NBEA: variants seen among roughly 807,000 people sequenced by gnomAD.
NBEA encodes the protein neurobeachin.
NBEA carries 44 observed loss-of-function variants against 343.4 expected under a neutral mutation model. The ratio of observed to expected loss-of-function variants is 0.13; its 90% CI spans 0.10 to 0.16. The LOEUF (loss-of-function observed/expected upper bound fraction) is 0.16. Ranked by LOEUF, NBEA falls within the 10% of genes least tolerant of loss-of-function variation. The pLI is 1.00. For missense variants in NBEA, 2,555 were observed against 3,631.3 expected (o/e 0.70, Z 7.62); for synonymous variants, 1,175 against 1,238.7 (o/e 0.95, Z 1.08).
chr13:35,094,568 T>C (rs970257845), intron 10 of NBEA, among the ~76,000 whole-genome samples: 12 of 151,734 alleles, frequency 7.9e-5, no homozygotes, highest in Admixed American at 2.6e-4. Context: ...TTACAACTTA[T>C]TGTGAGTTTT....
chr13:35,450,480 C>T (rs959426993), intron 39 of NBEA, among the ~76,000 whole-genome samples: 1 of 152,064 alleles, frequency 6.6e-6, no homozygotes, highest in Admixed American at 6.6e-5. Context: ...GAATGAGACC[C>T]TGTCTCAAAC....
intron 45 of NBEA, among the ~76,000 whole-genome samples, chr13:35,582,974 T>A (rs532840958): frequency 3.3e-5 from 5 of 152,204 alleles, no homozygotes; most frequent in African/African-American, 1.2e-4. Context: ...TGAAATAAAG[T>A]AGACATTGTA....
chr13:35,217,602 C>G (rs938996127), intron 33 of NBEA, among the ~76,000 whole-genome samples: 2 of 151,984 alleles, frequency 1.3e-5, no homozygotes, highest in Admixed American at 6.6e-5. Context: ...TTCATTTGTT[C>G]CAGCACCATT....
intron 18 of NBEA, among the ~76,000 whole-genome samples, chr13:35,145,899 T>C (rs2068390887): frequency 6.6e-6 from 1 of 152,214 alleles, no homozygotes; most frequent in Admixed American, 6.5e-5. Flanking sequence ...GAGACTGACA[T>C]GGAACTGGGA....
At chr13:35,032,268 C>T (rs1191087681) in intron 1 of NBEA, among the ~76,000 whole-genome samples, 1 of 151,880 alleles carries the variant, frequency 6.6e-6, no homozygotes, top group Non-Finnish European at 1.5e-5. Flanking sequence ...CTCCCACCAA[C>T]AGCACATAAG....
rs1250552853 is a variant in NBEA, at chr13:35,097,948, G to A, written c.1572-349G>A. ...TATTCAAAAGAATAGTATGATACAG[G>A]CTTTATTATGATACATTATAAATGA... On this transcript the variant is annotated intron_variant, in intron 10 of 58. Transcript: ENST00000379939. Among the ~76,000 whole-genome samples, 8 of 151,706 alleles carry A rather than the reference G, an allele frequency of 5.3e-5. No homozygotes were observed. In the South Asian group the frequency reaches 1.7e-3, roughly 32 times the overall value.
intron 41 of NBEA, chr13:35,476,643 TGA>T: frequency 2.0e-6 from 1 of 505,026 alleles, no homozygotes; most frequent in South Asian, 2.5e-5. Flanking sequence ...GTGTCCGGGG[TGA>T]GTGTGCGTGT....
At chr13:35,354,644 TGTCACTGA>T (rs1350836321) in intron 38 of NBEA, among the ~76,000 whole-genome samples, 1 of 152,144 alleles carries the variant, frequency 6.6e-6, no homozygotes, top group Non-Finnish European at 1.5e-5. Flanking sequence ...TTACTAACTG[TGTCACTGA>T]ACTCTAAACC....
At chr13:35,218,410 A>G (rs2074182056) in intron 33 of NBEA, among the ~76,000 whole-genome samples, 1 of 151,990 alleles carries the variant, frequency 6.6e-6, no homozygotes, top group African/African-American at 2.4e-5. Flanking sequence ...ATTGTTTCAA[A>G]ATGTATATGT....
At chr13:35,529,708 T>G (rs146100983) in intron 41 of NBEA, among the ~76,000 whole-genome samples, 17 of 152,324 alleles carry the variant, frequency 1.1e-4, no homozygotes, top group Admixed American at 9.1e-4. Context: ...CTTTCACTCT[T>G]TAGTCCCTCG....
chr13:34,984,795 T>A (rs2060488495), intron 1 of NBEA, among the ~76,000 whole-genome samples: 1 of 150,900 alleles, frequency 6.6e-6, no homozygotes, highest in Non-Finnish European at 1.5e-5. Context: ...ATTCTCATTG[T>A]AGCAATTGTG....
intron 42 of NBEA, 55 bp from the exon 43 acceptor site, chr13:35,550,875 A>C: frequency 1.8e-6 from 2 of 1,085,496 alleles, no homozygotes; most frequent in South Asian, 2.8e-5. Flanking sequence ...TGTAAAATTG[A>C]TGGCTAACTT....
intron 41 of NBEA, among the ~76,000 whole-genome samples, chr13:35,497,292 A>G (rs1159857347): frequency 3.3e-5 from 5 of 152,056 alleles, no homozygotes; most frequent in Non-Finnish European, 4.4e-5. Context: ...ATATAAATCT[A>G]TTTTGCCAGA....
chr13:35,496,475 A>C (rs1265293696), intron 41 of NBEA, among the ~76,000 whole-genome samples: 2 of 151,772 alleles, frequency 1.3e-5, no homozygotes, highest in Non-Finnish European at 2.9e-5. Context: ...TCTCTAAAAA[A>C]ATGAAAACCT....
chr13:35,321,558 C>A (rs186330789), intron 36 of NBEA, among the ~76,000 whole-genome samples: 1 of 152,344 alleles, frequency 6.6e-6, no homozygotes, highest in African/African-American at 2.4e-5. Context: ...TTCCTTCAGT[C>A]AGGAAGCACT....
intron 8 of NBEA, among the ~76,000 whole-genome samples, chr13:35,062,957 G>A (rs1229261999): frequency 6.6e-6 from 1 of 151,878 alleles, no homozygotes; most frequent in African/African-American, 2.4e-5. Flanking sequence ...GAGTGATGTT[G>A]ACTACAATTC....
chr13:35,222,950 G>A (rs2152762904), intron 33 of NBEA, among the ~76,000 whole-genome samples: 1 of 152,250 alleles, frequency 6.6e-6, no homozygotes, highest in South Asian at 2.1e-4. Flanking sequence ...TGGCCAACAT[G>A]CTGAAACCGC....
intron 10 of NBEA, among the ~76,000 whole-genome samples, chr13:35,081,714 A>G (rs2064411551): frequency 6.6e-6 from 1 of 152,154 alleles, no homozygotes; most frequent in African/African-American, 2.4e-5. Context: ...ATAATCTAAC[A>G]GCAATTTGTG....
At chr13:35,391,526 A>G (rs1485713000) in intron 38 of NBEA, among the ~76,000 whole-genome samples, 3 of 152,196 alleles carry the variant, frequency 2.0e-5, no homozygotes, top group Admixed American at 6.5e-5. Context: ...TTTGTTGTAC[A>G]TTCTACAAGT....
Sources: allele counts gnomAD v4.1 joint callset (sites outside exome capture counted in the v4.1 genomes callset), GRCh38; gene constraint gnomAD v4.1.1; transcripts MANE v1.5; gene names NCBI Gene and HGNC (gene_info 2026-07-23, HGNC 2026-07-21).